The following CSMD1 variants were observed in gnomAD, a reference collection of about 807,000 sequenced individuals.
CSMD1 encodes CUB and Sushi multiple domains 1.
CSMD1 carries 213 observed loss-of-function variants against 417.5 expected under a neutral mutation model. That is an observed-to-expected ratio of 0.51 (90% CI 0.46 to 0.57). The LOEUF is 0.57. Ranked by LOEUF, CSMD1 falls within the 20% of genes least tolerant of loss-of-function variation. The pLI is 0.00. For missense variants in CSMD1, 6,923 were observed against 4,529.7 expected (o/e 1.53, Z -15.17); for synonymous variants, 2,862 against 1,736.8 (o/e 1.65, Z -16.11).
chr8:4,831,517 TA>T (rs929028561), intron 1 of CSMD1, among the ~76,000 whole-genome samples: 2 of 152,168 alleles, frequency 1.3e-5, no homozygotes, highest in African/African-American at 4.8e-5. Context: ...GCATGGTACA[TA>T]TTTTTTTTTA....
chr8:4,169,290 G>T (rs1053155975), intron 3 of CSMD1, among the ~76,000 whole-genome samples: 1 of 152,142 alleles, frequency 6.6e-6, no homozygotes, highest in Admixed American at 6.5e-5. Context: ...AGCTCAAAAG[G>T]CAACTCCTGA....
chr8:3,468,741 C>G lies in CSMD1; in HGVS notation c.1532G>C (p.Gly511Ala), dbSNP rs748934287. Reference protein sequence around the residue: ...WLHLQSDDSIGSPGFKAVYQE... With the variant: ...WLHLQSDDSIASPGFKAVYQE... ...GTAAACAGCTTTAAACCCAGGTGAGCCAATGCTATCATCCGACTGCAGATG... is the reference window on the plus strand; with the variant it reads ...GTAAACAGCTTTAAACCCAGGTGAGGCAATGCTATCATCCGACTGCAGATG... The change falls in exon 12 of 70, where the codon GGC becomes GCC. Residue 511 changes from glycine to alanine, a missense_variant. Coordinates refer to ENST00000635120, the MANE Select transcript of CSMD1 (RefSeq NM_033225.6). 2.5e-6 allele frequency: 4 copies of G among 1,605,632 alleles called. No homozygotes were observed. The highest frequency in any genetic ancestry group is 3.4e-6 in the Non-Finnish European group (4 of 1,176,184).
intron 3 of CSMD1, among the ~76,000 whole-genome samples, chr8:4,349,973 G>C (rs182292094): frequency 1.3e-5 from 2 of 151,978 alleles, no homozygotes; most frequent in Non-Finnish European, 2.9e-5. Flanking sequence ...GTAGACTTAA[G>C]GGATCCAAAG....
intron 2 of CSMD1, among the ~76,000 whole-genome samples, chr8:4,440,269 T>C (rs1430819839): frequency 6.6e-6 from 1 of 152,222 alleles, no homozygotes; most frequent in Non-Finnish European, 1.5e-5. Flanking sequence ...ATTTATAAGA[T>C]GCTCACAGCA....
intron 2 of CSMD1, among the ~76,000 whole-genome samples, chr8:4,611,904 G>A (rs553184950): frequency 2.6e-5 from 4 of 152,258 alleles, no homozygotes; most frequent in South Asian, 2.1e-4. Flanking sequence ...GGCAATCAGT[G>A]ACAAATTCTA....
At position 2,957,699 on chromosome 8, in the gene CSMD1, T is replaced by C; in HGVS notation, c.9811A>G (p.Ile3271Val). 6.4e-7 allele frequency: 1 copy of C among 1,573,116 alleles called. No homozygotes were observed. Among genetic ancestry groups the C allele is most frequent in the Non-Finnish European group, 8.7e-7 (1 of 1,153,844 alleles). The part of the protein sequence containing the change: ...LTWSGIQTEC[I>V]PHACRQPETP... Reference sequence around the variant, plus strand: ...GGGTGGAAGAAATCACACTTACGTATACATTCGGTCTGTATCCCACTCCAT... The same window carrying C: ...GGGTGGAAGAAATCACACTTACGTACACATTCGGTCTGTATCCCACTCCAT... Residue 3271 changes from isoleucine (I) to valine (V), a missense_variant, in exon 63 of 70, where the codon ATA becomes GTA. Physicochemically the swap from Ile to Val is conservative, Grantham distance 29. Coordinates refer to ENST00000635120, the MANE Select transcript of CSMD1 (RefSeq NM_033225.6).
chr8:3,372,173 G>A (rs1157060761), intron 18 of CSMD1, among the ~76,000 whole-genome samples: 3 of 152,166 alleles, frequency 2.0e-5, no homozygotes, highest in African/African-American at 7.2e-5. Flanking sequence ...TACTTAGGAA[G>A]TGGTCTATAA....
intron 3 of CSMD1, among the ~76,000 whole-genome samples, chr8:4,182,736 T>A (rs572093220): frequency 1.3e-5 from 2 of 151,686 alleles, no homozygotes; most frequent in East Asian, 1.9e-4. Context: ...ATATAAATAA[T>A]GGAACATCAT....
intron 28 of CSMD1, among the ~76,000 whole-genome samples, chr8:3,222,170 A>G (rs961205198): frequency 3.3e-5 from 5 of 152,126 alleles, no homozygotes; most frequent in African/African-American, 9.7e-5. Context: ...GGAGAGGCTT[A>G]GAGATTATCT....
chr8:4,198,573 G>C (rs567055193), intron 3 of CSMD1, among the ~76,000 whole-genome samples: 4 of 152,244 alleles, frequency 2.6e-5, no homozygotes, highest in Non-Finnish European at 4.4e-5. Context: ...CGTGCACAAG[G>C]AATTTTTCAG....
intron 40 of CSMD1, among the ~76,000 whole-genome samples, chr8:3,149,891 C>A (rs549593595): frequency 5.3e-5 from 8 of 152,304 alleles, no homozygotes; most frequent in African/African-American, 1.4e-4. Flanking sequence ...TTCTCTCATT[C>A]TCTGATGTTA....
At chr8:3,822,102 C>G (rs140847386) in intron 5 of CSMD1, among the ~76,000 whole-genome samples, 1 of 151,908 alleles carries the variant, frequency 6.6e-6, no homozygotes, top group East Asian at 1.9e-4. Flanking sequence ...GTTTTGTCTC[C>G]GATTTTTCTG....
At chr8:4,127,279 T>G (rs11785511) in intron 3 of CSMD1, among the ~76,000 whole-genome samples, 68,556 of 151,406 alleles carry the variant, frequency 0.45, 15,650 homozygotes, top group African/African-American at 0.48. Context: ...GTTATTCTCA[T>G]GCGGCTCCCT....
chr8:3,286,222 A>T (rs548043698), intron 25 of CSMD1, among the ~76,000 whole-genome samples: 1 of 152,236 alleles, frequency 6.6e-6, no homozygotes, highest in East Asian at 1.9e-4. Flanking sequence ...AATCCAGTCT[A>T]TCATTGTTGG....
At chr8:3,781,029 G>C (rs967513520) in intron 5 of CSMD1, among the ~76,000 whole-genome samples, 1 of 152,240 alleles carries the variant, frequency 6.6e-6, no homozygotes, top group Middle Eastern at 3.4e-3. Flanking sequence ...TTTCGTAGGG[G>C]AAACTGAAAT....
chr8:4,136,464 G>A (rs1803441933), intron 3 of CSMD1, among the ~76,000 whole-genome samples: 1 of 152,168 alleles, frequency 6.6e-6, no homozygotes, highest in African/African-American at 2.4e-5. Context: ...GCCTCTGTGT[G>A]TTAGCAAACC....
intron 23 of CSMD1, among the ~76,000 whole-genome samples, chr8:3,320,440 G>A (rs540841969): frequency 1.4e-3 from 219 of 152,216 alleles, no homozygotes; most frequent in South Asian, 7.5e-3. Flanking sequence ...TAAGCTCCTC[G>A]TACAAGTAAA....
chr8:3,713,911 C>G (rs1390119405), intron 6 of CSMD1, among the ~76,000 whole-genome samples: 1 of 151,890 alleles, frequency 6.6e-6, no homozygotes, highest in Non-Finnish European at 1.5e-5. Context: ...TTATCAATGC[C>G]TCTTCCAGGC....
At chr8:3,690,184 C>T (rs1241363589) in intron 7 of CSMD1, among the ~76,000 whole-genome samples, 2 of 152,156 alleles carry the variant, frequency 1.3e-5, no homozygotes, top group Admixed American at 6.5e-5. Context: ...CAGGGCAAGG[C>T]CCTGTCTCTA....
Sources: allele counts gnomAD v4.1 joint callset (sites outside exome capture counted in the v4.1 genomes callset), GRCh38; gene constraint gnomAD v4.1.1; transcripts MANE v1.5; gene names NCBI Gene and HGNC (gene_info 2026-07-23, HGNC 2026-07-21).